WDR41: variants seen among roughly 807,000 people sequenced by gnomAD.
WDR41 encodes WD repeat-containing protein 41.
Under a neutral mutation model 69.3 loss-of-function variants are expected in WDR41, and 63 were observed. The observed-to-expected ratio is 0.91, with a 90% CI of 0.74 to 1.12. The LOEUF is 1.12. Among genes scored for constraint, WDR41 ranks in the 50% most tolerant of loss-of-function variants. The pLI is 0.00. For synonymous variants in WDR41, 185 were observed against 192.1 expected, an observed-to-expected ratio of 0.96 and a Z score of 0.31; for missense variants, 543 against 534.5, an observed-to-expected ratio of 1.02 and a Z score of -0.16.
upstream of WDR41, among the ~76,000 whole-genome samples, chr5:77,496,959 AT>A (rs1165983716): frequency 6.6e-6 from 1 of 152,144 alleles, no homozygotes; most frequent in Non-Finnish European, 1.5e-5. Context: ...TATATGGTCA[AT>A]TTTTTTGACA....
chr5:77,568,690 T>C (rs1426832039), intron 1 of WDR41, among the ~76,000 whole-genome samples: 2 of 152,132 alleles, frequency 1.3e-5, no homozygotes, highest in Non-Finnish European at 2.9e-5. Context: ...TAAGATGCCA[T>C]GGAAACACAA....
intron 1 of WDR41, among the ~76,000 whole-genome samples, chr5:77,553,396 C>T (rs567143240): frequency 9.5e-4 from 144 of 152,260 alleles, no homozygotes; most frequent in African/African-American, 3.2e-3. Flanking sequence ...CTAGTTCCCT[C>T]CAGCTAGGCA....
intron 1 of WDR41, among the ~76,000 whole-genome samples, chr5:77,513,254 T>C (rs1374488637): frequency 1.3e-5 from 2 of 152,190 alleles, no homozygotes; most frequent in African/African-American, 4.8e-5. Context: ...TTTAGAGTCT[T>C]ATTACTGCTT....
intron 2 of WDR41, among the ~76,000 whole-genome samples, chr5:77,480,872 T>C (rs1272314599): frequency 6.6e-6 from 1 of 151,714 alleles, no homozygotes; most frequent in Non-Finnish European, 1.5e-5. Flanking sequence ...AAAAAATCTG[T>C]GTGACTTCTA....
intron 1 of WDR41, among the ~76,000 whole-genome samples, chr5:77,529,770 A>G (rs1024310154): frequency 6.6e-6 from 1 of 151,628 alleles, no homozygotes; most frequent in Non-Finnish European, 1.5e-5. Context: ...TGGTGGGGAA[A>G]TAGTGATCTT....
chr5:77,477,983 T>A (rs1337284085), intron 2 of WDR41, among the ~76,000 whole-genome samples: 8 of 151,344 alleles, frequency 5.3e-5, no homozygotes, highest in Non-Finnish European at 1.0e-4. Context: ...TAAAAAATGA[T>A]AAAGGGGATA....
At position 77,432,978 on chromosome 5, in the gene WDR41, C is replaced by A; in HGVS notation, c.*157G>T. 1.4e-6 allele frequency: 1 copy of A among 709,990 alleles called. No individual in the cohort carries two copies. Among genetic ancestry groups the A allele is most frequent in the Admixed American group, 3.3e-5 (1 of 30,462 alleles). The allele number at this position is 709,990 out of a possible 1,614,324, so 44.0% of individuals were successfully genotyped here. A position where few individuals can be genotyped will look rare whatever the true frequency, so the allele number is the denominator to read the frequency against. On this transcript the variant is annotated 3_prime_UTR_variant, in exon 13 of 13. Transcript: ENST00000296679. ...ACTAGGACCTGAGAAGCAACATGTT[C>A]CTGGTTGGTAGGTCCACAAAAAATT...
At chr5:77,476,214 G>A (rs1454526797) in intron 2 of WDR41, among the ~76,000 whole-genome samples, 5 of 152,208 alleles carry the variant, frequency 3.3e-5, no homozygotes, top group African/African-American at 1.2e-4. Context: ...AACTGAAAGT[G>A]ACAGGAAGAA....
At chr5:77,462,500 C>G (rs1800116687) in intron 4 of WDR41, among the ~76,000 whole-genome samples, 1 of 150,138 alleles carries the variant, frequency 6.7e-6, no homozygotes, top group Admixed American at 6.6e-5. Context: ...ACAATTAGAA[C>G]AATGCCTGTT....
intron 1 of WDR41, among the ~76,000 whole-genome samples, chr5:77,572,073 C>A (rs2112274855): frequency 6.6e-6 from 1 of 151,990 alleles, no homozygotes; most frequent in Non-Finnish European, 1.5e-5. Context: ...CTTGAAAAAC[C>A]AAAGAATATG....
intron 6 of WDR41, chr5:77,452,921 AAG>A (rs890520619): frequency 2.0e-5 from 3 of 152,196 alleles, no homozygotes. Flanking sequence ...AGGCTAGTGA[AAG>A]AGAGAGAAAA....
At chr5:77,545,921 T>C in intron 1 of WDR41, 1 of 512,934 alleles carries the variant, frequency 1.9e-6, no homozygotes, top group South Asian at 2.8e-5. Context: ...GAAAGCCCCA[T>C]GCCATCCCTT....
intron 1 of WDR41, chr5:77,582,302 T>C (rs1233531037): frequency 4.1e-5 from 56 of 1,376,456 alleles, no homozygotes; most frequent in Non-Finnish European, 5.4e-5. Flanking sequence ...AAGTAGACAA[T>C]ATGCATAGAT....
At chr5:77,583,080 C>A (rs1353658912) in intron 1 of WDR41, 1 of 1,590,210 alleles carries the variant, frequency 6.3e-7, no homozygotes, top group East Asian at 2.2e-5. Flanking sequence ...ATGCTGGCAA[C>A]AGGGAGGACC....
intron 1 of WDR41, among the ~76,000 whole-genome samples, chr5:77,558,094 T>TTTTAAAAAAAAAA (rs1554036365): frequency 9.6e-5 from 10 of 104,276 alleles, no homozygotes; most frequent in African/African-American, 3.6e-4. Flanking sequence ...ATGTTCTTTT[T>TTTTAAAAAAAAAA]AAAAAAAAAA....
At chr5:77,601,768 A>C (rs1744327810) in intron 1 of WDR41, among the ~76,000 whole-genome samples, 1 of 152,212 alleles carries the variant, frequency 6.6e-6, no homozygotes, top group Non-Finnish European at 1.5e-5. Context: ...ATTCCTCCCC[A>C]GTTCCTTTTC....
At position 77,436,356 on chromosome 5, in the gene WDR41, G is replaced by T; in HGVS notation, c.1132C>A (p.Gln378Lys). Residue 378 changes from glutamine to lysine, a missense_variant, in exon 12 of 13, where the codon CAA becomes AAA. Gln to Lys is a moderately conservative substitution (Grantham distance 53). Coordinates refer to ENST00000296679, the MANE Select transcript of WDR41 (RefSeq NM_018268.4). ...TGCTTTTTAACAGGTTGGCTGGCTT[G>T]TTTGCTGACTCTTCCAAATCCCCAC... is the stretch of plus-strand genomic sequence containing the variant. The part of the protein sequence containing the change: ...NMWGFGRVSK[Q>K]ASQPVKKQQE... 1 of 1,614,030 alleles carries T rather than the reference G, an allele frequency of 6.2e-7. No homozygotes were observed. The highest frequency in any genetic ancestry group is 8.5e-7 in the Non-Finnish European group (1 of 1,179,966).
Position 77,561,062 on chromosome 5 carries a change from C to A in WDR41, c.42+59417G>T, listed in dbSNP as rs921383772. 4.6e-5 allele frequency among the ~76,000 whole-genome samples: 7 copies of A among 152,140 alleles called. 1 individual carries two copies. Among genetic ancestry groups the A allele is most frequent in the Admixed American group, 2.0e-4 (3 of 15,266 alleles). On this transcript the variant is annotated intron_variant, in intron 1 of 5. Coordinates refer to the WDR41 transcript ENST00000509971. ...CCTGATTAGATGTTGACAAGTATTT[C>A]ATTTTTACATTGTTCTCTGTATCCA...
intron 1 of WDR41, among the ~76,000 whole-genome samples, chr5:77,569,962 T>G (rs1743704761): frequency 6.6e-6 from 1 of 152,184 alleles, no homozygotes; most frequent in Non-Finnish European, 1.5e-5. Flanking sequence ...TACAAGCACA[T>G]CCAGCAGATC....
Sources: allele counts gnomAD v4.1 joint callset (sites outside exome capture counted in the v4.1 genomes callset), GRCh38; gene constraint gnomAD v4.1.1; transcripts MANE v1.5; gene names NCBI Gene and HGNC (gene_info 2026-07-23, HGNC 2026-07-21).